Variants in FRMD5 observed in about 807,000 individuals in gnomAD.
The protein encoded by FRMD5 is FERM domain containing 5, also known as FERM domain-containing protein 5.
Under a neutral mutation model 69.0 loss-of-function variants are expected in FRMD5, and 20 were observed. That is an observed-to-expected ratio of 0.29 (90% CI 0.20 to 0.42). FRMD5 has a LOEUF of 0.42. FRMD5 is among the 10% of genes least tolerant of loss of function. The pLI, the probability that FRMD5 is intolerant of heterozygous loss-of-function variation, is 1.00. For synonymous variants in FRMD5, 271 were observed against 260.1 expected, an observed-to-expected ratio of 1.04 and a Z score of -0.40; for missense variants, 595 against 708.6, an observed-to-expected ratio of 0.84 and a Z score of 1.82.
At chr15:44,064,436 C>G (rs1199640013) in intron 1 of FRMD5, 1 of 152,488 alleles carries the variant, frequency 6.6e-6, no homozygotes, top group African/African-American at 2.4e-5. Context: ...ACTAAAAATA[C>G]AAAATTAGCT....
intron 1 of FRMD5, among the ~76,000 whole-genome samples, chr15:44,176,404 G>A (rs914678203): frequency 3.3e-5 from 5 of 152,118 alleles, no homozygotes; most frequent in African/African-American, 9.7e-5. Flanking sequence ...AGACCTAAAT[G>A]TATGAGCTAA....
intron 4 of FRMD5, among the ~76,000 whole-genome samples, chr15:43,916,779 ATT>A (rs10673261): frequency 4.8e-4 from 67 of 139,586 alleles, no homozygotes; most frequent in South Asian, 1.2e-3. Context: ...ACAAAATTGT[ATT>A]TTTTTTTTTT....
chr15:43,961,441 C>G (rs1297722700), intron 1 of FRMD5, among the ~76,000 whole-genome samples: 1 of 152,116 alleles, frequency 6.6e-6, no homozygotes, highest in African/African-American at 2.4e-5. Flanking sequence ...AAGTCCAGGA[C>G]CAGATGGATT....
At chr15:44,123,072 C>T (rs976913029) in intron 1 of FRMD5, among the ~76,000 whole-genome samples, 2 of 151,992 alleles carry the variant, frequency 1.3e-5, no homozygotes, top group Non-Finnish European at 2.9e-5. Flanking sequence ...AGGCCTGGCA[C>T]AGTGGCTCAC....
chr15:43,933,380 C>G (rs528126048), intron 1 of FRMD5, among the ~76,000 whole-genome samples: 1 of 152,306 alleles, frequency 6.6e-6, no homozygotes, highest in Admixed American at 6.5e-5. Context: ...TCAGAATCAC[C>G]TGGAGGGCTT....
chr15:43,887,032 T>C (rs1484614051), intron 10 of FRMD5, among the ~76,000 whole-genome samples: 1 of 152,182 alleles, frequency 6.6e-6, no homozygotes, highest in Non-Finnish European at 1.5e-5. Context: ...AAGCAACACT[T>C]CTGTTTCCGT....
At chr15:44,187,867 C>T (rs1450086699) in intron 1 of FRMD5, among the ~76,000 whole-genome samples, 2 of 152,116 alleles carry the variant, frequency 1.3e-5, no homozygotes, top group Non-Finnish European at 2.9e-5. Context: ...CAGTGCCTGG[C>T]CCTGCTTTTG....
intron 1 of FRMD5, among the ~76,000 whole-genome samples, chr15:43,951,983 TGTGTGTGTGTGTGTGTCTGTGTGTG>T (rs2090039917): frequency 8.6e-5 from 12 of 139,150 alleles, no homozygotes; most frequent in African/African-American, 3.1e-4. Flanking sequence ...GTGTGTGTTG[TGTGTGTGTGTGTGTGTCTGTGTGTG>T]TGTGTGTGTG....
At chr15:44,178,169 C>T (rs1201478755) in intron 1 of FRMD5, among the ~76,000 whole-genome samples, 2 of 151,658 alleles carry the variant, frequency 1.3e-5, no homozygotes, top group East Asian at 3.9e-4. Flanking sequence ...TAAAAACACA[C>T]AAAAATTTGC....
chr15:44,111,642 C>T (rs988948260), intron 1 of FRMD5, among the ~76,000 whole-genome samples: 1 of 152,172 alleles, frequency 6.6e-6, no homozygotes, highest in Non-Finnish European at 1.5e-5. Flanking sequence ...CAATCGGAAC[C>T]CTTTGAAGAA....
At chr15:43,912,092 C>T (rs2089299253) in intron 4 of FRMD5, among the ~76,000 whole-genome samples, 1 of 152,176 alleles carries the variant, frequency 6.6e-6, no homozygotes, top group African/African-American at 2.4e-5. Flanking sequence ...CTTCCACCTA[C>T]ACCTTTTAAC....
intron 1 of FRMD5, among the ~76,000 whole-genome samples, chr15:44,005,108 G>A (rs970522203): frequency 3.9e-5 from 6 of 152,228 alleles, no homozygotes; most frequent in African/African-American, 1.4e-4. Context: ...CACAAGACAA[G>A]TTTGAAGCTG....
chr15:44,152,868 C>T (rs1459651667), intron 1 of FRMD5, among the ~76,000 whole-genome samples: 1 of 87,748 alleles, frequency 1.1e-5, no homozygotes, highest in Non-Finnish European at 2.5e-5. Context: ...AACTGTACTG[C>T]AAATATTTTC....
chr15:43,905,888 A>T lies in FRMD5; in HGVS notation c.491T>A (p.Phe164Tyr), dbSNP rs557689722. Residue 164 changes from phenylalanine to tyrosine, a missense_variant, in exon 6 of 14, where the codon TTC becomes TAC. Physicochemically the swap from Phe to Tyr is conservative, Grantham distance 22. Around this residue, in one of 5 missense-constraint regions of FRMD5, gnomAD observed 51 missense variants for 41.7 expected, o/e 1.22. Transcript: ENST00000417257. ...TTCCAGCTTCTCTGAATGTTTAGGG[A>T]AAAACTGGAACTTGGAGCTGTAGCC... ...PEGYSSKFQFFPKHSEKLERK... is the reference protein window; with the variant it reads ...PEGYSSKFQFYPKHSEKLERK... 1 of 1,614,194 alleles carries T rather than the reference A, an allele frequency of 6.2e-7. No individual in the cohort carries two copies. The highest frequency in any genetic ancestry group is 8.5e-7 in the Non-Finnish European group (1 of 1,180,026).
intron 1 of FRMD5, among the ~76,000 whole-genome samples, chr15:43,992,256 T>A (rs1297812652): frequency 1.3e-5 from 2 of 152,194 alleles, no homozygotes; most frequent in Non-Finnish European, 2.9e-5. Flanking sequence ...TTGAGAATTG[T>A]CTCTATAGCA....
intron 1 of FRMD5, among the ~76,000 whole-genome samples, chr15:43,975,925 T>C (rs1318015847): frequency 1.3e-5 from 2 of 151,924 alleles, no homozygotes; most frequent in South Asian, 2.1e-4. Flanking sequence ...GAAAGACAAA[T>C]AGATCAACAG....
intron 1 of FRMD5, among the ~76,000 whole-genome samples, chr15:43,990,444 A>G (rs1889620708): frequency 6.6e-6 from 1 of 152,216 alleles, no homozygotes; most frequent in Non-Finnish European, 1.5e-5. Flanking sequence ...TACTAACATT[A>G]GTTTTACTAT....
chr15:43,983,550 C>T (rs1331044087), intron 1 of FRMD5, among the ~76,000 whole-genome samples: 2 of 152,156 alleles, frequency 1.3e-5, no homozygotes, highest in Non-Finnish European at 2.9e-5. Flanking sequence ...TGCCAAATCA[C>T]CCAGGATTTT....
chr15:43,993,749 T>C (rs1889795239), intron 1 of FRMD5, among the ~76,000 whole-genome samples: 1 of 152,226 alleles, frequency 6.6e-6, no homozygotes, highest in South Asian at 2.1e-4. Context: ...TTGTTTAATA[T>C]ACTTAGGTGC....
Sources: allele counts gnomAD v4.1 joint callset (sites outside exome capture counted in the v4.1 genomes callset), GRCh38; gene constraint gnomAD v4.1.1; regional missense constraint gnomAD v4.1.1; transcripts MANE v1.5; gene names NCBI Gene and HGNC (gene_info 2026-07-23, HGNC 2026-07-21).